Variants in RCL1 observed in about 807,000 individuals in gnomAD.
RCL1 encodes the protein RNA 3'-terminal phosphate cyclase-like protein.
Under a neutral mutation model 42.4 loss-of-function variants are expected in RCL1, and 24 were observed. The observed-to-expected ratio is 0.57, with a 90% CI of 0.41 to 0.80. The LOEUF (loss-of-function observed/expected upper bound fraction) is 0.80. RCL1 is among the 30% of genes least tolerant of loss of function. The pLI is 0.00. For synonymous variants in RCL1, 228 were observed against 177.3 expected, an observed-to-expected ratio of 1.29 and a Z score of -2.27; for missense variants, 578 against 467.9, an observed-to-expected ratio of 1.24 and a Z score of -2.17.
intron 6 of RCL1, among the ~76,000 whole-genome samples, chr9:4,843,019 T>C (rs931391087): frequency 6.6e-6 from 1 of 152,198 alleles, no homozygotes; most frequent in Non-Finnish European, 1.5e-5. Context: ...GCCTTACACG[T>C]AGATAAAGAC....
At chr9:4,821,342 C>T (rs1816590282) in intron 1 of RCL1, among the ~76,000 whole-genome samples, 1 of 152,192 alleles carries the variant, frequency 6.6e-6, no homozygotes, top group South Asian at 2.1e-4. Context: ...GTCATATGAT[C>T]AGGGCAGTCT....
chr9:4,854,219 A>G (rs1007217845), intron 8 of RCL1, among the ~76,000 whole-genome samples: 1 of 152,196 alleles, frequency 6.6e-6, no homozygotes, highest in Non-Finnish European at 1.5e-5. Flanking sequence ...ATCTCCTGAC[A>G]GTGCAGCTAG....
At chr9:4,852,819 A>C (rs1408084844) in intron 8 of RCL1, among the ~76,000 whole-genome samples, 2 of 150,568 alleles carry the variant, frequency 1.3e-5, no homozygotes, top group African/African-American at 4.9e-5. Context: ...CCCCAGAGGC[A>C]GTGTGGCTAG....
chr9:4,823,200 T>C (rs1394132236), intron 1 of RCL1, among the ~76,000 whole-genome samples: 1 of 152,082 alleles, frequency 6.6e-6, no homozygotes, highest in Non-Finnish European at 1.5e-5. Context: ...TTATTTGGCA[T>C]GTCCTCCTGA....
At chr9:4,801,332 C>T (rs1004056439) in intron 1 of RCL1, among the ~76,000 whole-genome samples, 20 of 151,994 alleles carry the variant, frequency 1.3e-4, no homozygotes, top group Admixed American at 8.5e-4. Context: ...CCATCATGCC[C>T]GGCTAATATT....
chr9:4,827,359 G>C (rs941657029), intron 3 of RCL1: 9 of 989,836 alleles, frequency 9.1e-6, no homozygotes, highest in Non-Finnish European at 1.1e-5. Context: ...GTTTTTGTAA[G>C]ATCCTGTGGT....
intron 8 of RCL1, among the ~76,000 whole-genome samples, chr9:4,858,178 T>C (rs778962319): frequency 6.6e-6 from 1 of 152,154 alleles, no homozygotes; most frequent in Non-Finnish European, 1.5e-5. Context: ...GCCTGTACTC[T>C]CCCATCGTTT....
chr9:4,838,538 G>A (rs935556624), intron 5 of RCL1, among the ~76,000 whole-genome samples: 3 of 152,144 alleles, frequency 2.0e-5, no homozygotes, highest in African/African-American at 7.2e-5. Flanking sequence ...TTCCTTGACT[G>A]TAGGAAAGGT....
intron 1 of RCL1, among the ~76,000 whole-genome samples, chr9:4,794,615 C>T (rs1193519115): frequency 6.6e-6 from 1 of 150,816 alleles, no homozygotes; most frequent in Non-Finnish European, 1.5e-5. Flanking sequence ...AGATGGACTT[C>T]TACTTTGTAT....
At chr9:4,859,154 G>T (rs921843847) in intron 8 of RCL1, among the ~76,000 whole-genome samples, 2 of 152,204 alleles carry the variant, frequency 1.3e-5, no homozygotes, top group Admixed American at 6.5e-5. Context: ...AGAAGCCTGT[G>T]CACCTGCACT....
At chr9:4,806,146 A>C (rs7040308) in intron 1 of RCL1, among the ~76,000 whole-genome samples, 6,653 of 148,890 alleles carry the variant, frequency 0.045, 226 homozygotes, top group East Asian at 0.099. Flanking sequence ...ATTTCCTTGG[A>C]ATTTATTTTC....
At chr9:4,820,801 G>A (rs575183487) in intron 1 of RCL1, among the ~76,000 whole-genome samples, 17 of 152,268 alleles carry the variant, frequency 1.1e-4, no homozygotes, top group South Asian at 4.1e-4. Context: ...TAAAAAGATC[G>A]TAGAAATAAT....
chr9:4,834,652 C>A (rs1018119386), intron 5 of RCL1, among the ~76,000 whole-genome samples: 2 of 151,980 alleles, frequency 1.3e-5, no homozygotes, highest in Non-Finnish European at 2.9e-5. Flanking sequence ...ATATAACATG[C>A]AAAATGATAT....
At chr9:4,805,413 G>T (rs1332397750) in intron 1 of RCL1, among the ~76,000 whole-genome samples, 1 of 151,922 alleles carries the variant, frequency 6.6e-6, no homozygotes, top group African/African-American at 2.4e-5. Flanking sequence ...AGGGGAAGGG[G>T]AAGGGGAAGG....
rs1817814107 is a variant in RCL1, at chr9:4,853,214, G to A, written c.971+3664G>A. Among the ~76,000 whole-genome samples, 4 of 152,048 alleles carry A rather than the reference G, an allele frequency of 2.6e-5. No individual in the cohort carries two copies. The South Asian group carries it at 8.3e-4, about 32-fold the overall frequency. The stretch of plus-strand genomic sequence containing the variant: ...CATGTGCACCGTCTTACAGGTGATG[G>A]GATTGAGGCACAGCGAGGTCAAGTT... On this transcript the variant is annotated intron_variant, in intron 8 of 8. Coordinates refer to ENST00000381750, the MANE Select transcript of RCL1 (RefSeq NM_005772.5).
At chr9:4,803,395 G>A (rs1398925999) in intron 1 of RCL1, among the ~76,000 whole-genome samples, 3 of 152,034 alleles carry the variant, frequency 2.0e-5, no homozygotes, top group African/African-American at 4.8e-5. Context: ...AGAATACAAG[G>A]TGATCTTCAT....
intron 8 of RCL1, among the ~76,000 whole-genome samples, chr9:4,858,076 G>T (rs943579666): frequency 1.3e-5 from 2 of 151,728 alleles, no homozygotes; most frequent in African/African-American, 4.8e-5. Flanking sequence ...TAGAGATGGG[G>T]GTCGTAATAG....
chr9:4,808,261 G>T (rs145189477), intron 1 of RCL1, among the ~76,000 whole-genome samples: 51 of 151,928 alleles, frequency 3.4e-4, no homozygotes, highest in Middle Eastern at 3.4e-3. Flanking sequence ...GTGCTACATT[G>T]ACTCTTTTAT....
At chr9:4,857,655 A>G (rs867429919) in intron 8 of RCL1, among the ~76,000 whole-genome samples, 38 of 152,228 alleles carry the variant, frequency 2.5e-4, no homozygotes, top group Middle Eastern at 3.4e-3. Context: ...ATCCTATGGT[A>G]ACTCCCCGGT....
Sources: allele counts gnomAD v4.1 joint callset (sites outside exome capture counted in the v4.1 genomes callset), GRCh38; gene constraint gnomAD v4.1.1; transcripts MANE v1.5; gene names NCBI Gene and HGNC (gene_info 2026-07-23, HGNC 2026-07-21).